GALC: variants seen among roughly 807,000 people sequenced by gnomAD.
GALC encodes the protein galactocerebrosidase.
Under a neutral mutation model 91.8 loss-of-function variants are expected in GALC, and 77 were observed. That is an observed-to-expected ratio of 0.84 (90% CI 0.70 to 1.01). The LOEUF is 1.01. GALC is among the 50% of genes least tolerant of loss of function. The pLI is 0.00. For synonymous variants in GALC, 357 were observed against 306.7 expected (o/e 1.16, Z -1.71); for missense variants, 882 against 855.9 (o/e 1.03, Z -0.38).
At position 87,965,582 on chromosome 14, in the gene GALC, T is replaced by C. The variant is rs183105855; in HGVS notation, c.956A>G (p.Tyr319Cys). Residue 319 changes from tyrosine (Y) to cysteine (C), a missense_variant, in exon 9 of 17, where the codon TAT (tyrosine) becomes TGT (cysteine). By Grantham distance (194) the Tyr-to-Cys change is radical. Transcript: ENST00000261304. ...GGCCGTCATCAACCCGCATCTCCCA[T>C]AAGGCAACTGTTCATAGTAACTAGC... ...LVASYYEQLPYGRCGLMTAQE... is the reference protein window; with the variant it reads ...LVASYYEQLPCGRCGLMTAQE... 1,275 of 1,613,458 alleles carry C rather than the reference T, an allele frequency of 7.9e-4. 14 individuals are homozygous for C. The South Asian group carries it at 9.9e-3, about 13-fold the overall frequency.
At chr14:87,959,304 CA>C (rs549647772) in intron 10 of GALC, among the ~76,000 whole-genome samples, 4 of 151,300 alleles carry the variant, frequency 2.6e-5, no homozygotes, top group Admixed American at 6.6e-5. Context: ...TGGCTATTAC[CA>C]AAAAAACAAA....
rs1885479093 is a variant in GALC at position 87,955,235 on chromosome 14, G to A, written c.1162-4487C>T. ...AGGAAGAAATGGCAGGCATTTCAAGGAAGAAGTACTGAAATGATTTGTCTT... is the reference window on the plus strand; with the variant it reads ...AGGAAGAAATGGCAGGCATTTCAAGAAAGAAGTACTGAAATGATTTGTCTT... On this transcript the variant is annotated intron_variant, in intron 10 of 16. Transcript: ENST00000261304. 9 of 931,134 alleles carry A rather than the reference G, an allele frequency of 9.7e-6. No homozygotes were observed. The South Asian group carries it at 1.0e-4, about 11-fold the overall frequency. The allele number at this position is 931,134 out of a possible 1,614,324, so 57.7% of individuals were successfully genotyped here.
intron 1 of GALC, among the ~76,000 whole-genome samples, chr14:87,991,301 C>T (rs1161039146): frequency 1.3e-5 from 2 of 152,206 alleles, no homozygotes; most frequent in African/African-American, 4.8e-5. Flanking sequence ...CTCCCGGGTT[C>T]AAGCGATTCT....
chr14:87,991,853 A>G (rs1192436216), intron 1 of GALC, among the ~76,000 whole-genome samples: 3 of 152,216 alleles, frequency 2.0e-5, no homozygotes. Context: ...CTCTTACCCT[A>G]GATATAGTAT....
At chr14:87,939,768 C>T (rs1266485471) in intron 16 of GALC, 137 bp downstream of exon 16, 18 of 730,992 alleles carry the variant, frequency 2.5e-5, no homozygotes, top group African/African-American at 1.7e-5. Flanking sequence ...GGATGAGTGG[C>T]TTCCCGGCAC....
chr14:87,934,025 T>C lies in GALC; in HGVS notation c.*707A>G, dbSNP rs1316928350. 9.1e-6 allele frequency: 14 copies of C among 1,534,182 alleles called. No homozygotes were observed. The highest frequency in any genetic ancestry group is 1.4e-5 in the African/African-American group (1 of 72,932). ...CTGGAAAAACGTTCACAGAGAGTTA[T>C]AGTGGTTACAAGACCAAAACTTGGA... On this transcript the variant is annotated 3_prime_UTR_variant, in exon 17 of 17. Coordinates refer to ENST00000261304, the MANE Select transcript of GALC (RefSeq NM_000153.4).
At chr14:87,975,282 G>A (rs116400032) in intron 7 of GALC, among the ~76,000 whole-genome samples, 1,741 of 151,918 alleles carry the variant, frequency 0.011, 29 homozygotes, top group African/African-American at 0.039. Flanking sequence ...CAAATTAAAA[G>A]AAAGAAAAAG....
chr14:87,934,021 G>A lies in GALC; in HGVS notation c.*711C>T, dbSNP rs1365725320. ...CCACCTGGAAAAACGTTCACAGAGAGTTATAGTGGTTACAAGACCAAAACT... is the reference window on the plus strand; with the variant it reads ...CCACCTGGAAAAACGTTCACAGAGAATTATAGTGGTTACAAGACCAAAACT... On this transcript the variant is annotated 3_prime_UTR_variant, in exon 17 of 17. Coordinates refer to ENST00000261304, the MANE Select transcript of GALC (RefSeq NM_000153.4). The A allele has an allele frequency of 1.6e-5, 25 of 1,534,052 alleles. No individual in the cohort carries two copies. Among genetic ancestry groups the A allele is most frequent in the Non-Finnish European group, 2.2e-5 (25 of 1,145,776 alleles).
At chr14:87,981,746 A>G (rs532361636) in intron 6 of GALC, among the ~76,000 whole-genome samples, 22 of 152,172 alleles carry the variant, frequency 1.4e-4, no homozygotes, top group Non-Finnish European at 2.9e-4. Flanking sequence ...CACAATTGGC[A>G]GATGTTACTG....
chr14:87,952,044 C>T (rs1387323681), intron 10 of GALC, among the ~76,000 whole-genome samples: 1 of 150,602 alleles, frequency 6.6e-6, no homozygotes, highest in African/African-American at 2.4e-5. Flanking sequence ...CACTTGTTCC[C>T]CAAAAAACTG....
Position 87,945,689 on chromosome 14 carries a change from C to T in GALC, c.1534G>A (p.Gly512Ser). ...ATATTTGTAAAATATTCAAATACAC[C>T]AGTTTGATCAGCAAAGTTTGGAGCT... ...SEAPNFADQTGVFEYFTNIED... is the reference protein window; with the variant it reads ...SEAPNFADQTSVFEYFTNIED... The change falls in exon 14 of 17, where the codon GGT (glycine) becomes AGT (serine). Residue 512 changes from glycine to serine, a missense_variant. Physicochemically the swap from Gly to Ser is moderately conservative, Grantham distance 56. Transcript: ENST00000261304. 6.2e-7 allele frequency: 1 copy of T among 1,611,990 alleles called. No homozygotes were observed. Among genetic ancestry groups the T allele is most frequent in the East Asian group, 2.2e-5 (1 of 44,818 alleles).
At chr14:87,963,739 A>T (rs909565105) in intron 9 of GALC, among the ~76,000 whole-genome samples, 10 of 152,138 alleles carry the variant, frequency 6.6e-5, no homozygotes, top group African/African-American at 2.4e-4. Context: ...AAAATAAATG[A>T]ACCTGTCAGT....
At chr14:87,943,443 G>A (rs1417462621) in intron 14 of GALC, among the ~76,000 whole-genome samples, 1 of 151,992 alleles carries the variant, frequency 6.6e-6, no homozygotes, top group East Asian at 1.9e-4. Flanking sequence ...CTCATTGAGA[G>A]CAGATTTACT....
intron 8 of GALC, among the ~76,000 whole-genome samples, chr14:87,966,859 C>A (rs924465371): frequency 2.0e-5 from 3 of 152,144 alleles, no homozygotes; most frequent in African/African-American, 7.2e-5. Flanking sequence ...TTAATTAAAA[C>A]AGAGACAACT....
chr14:87,943,711 G>A lies in GALC; in HGVS notation c.1670+1842C>T, dbSNP rs1884951044. 2.0e-5 allele frequency among the ~76,000 whole-genome samples: 3 copies of A among 151,976 alleles called. No homozygotes were observed. In the South Asian group the frequency reaches 6.2e-4, roughly 31 times the overall value. The stretch of plus-strand genomic sequence containing the variant: ...GGTTGTGTGGGAAATCCATCAAAGT[G>A]CCTACTATTACCCAATTTTTATTCC... On this transcript the variant is annotated intron_variant, in intron 14 of 16. Coordinates refer to ENST00000261304, the MANE Select transcript of GALC (RefSeq NM_000153.4).
At chr14:87,957,663 A>G (rs1006635894) in intron 10 of GALC, among the ~76,000 whole-genome samples, 2 of 152,174 alleles carry the variant, frequency 1.3e-5, no homozygotes, top group African/African-American at 4.8e-5. Flanking sequence ...TTCAAGTTAC[A>G]AAATCAATGT....
chr14:87,941,156 C>T (rs1421651862), intron 15 of GALC, among the ~76,000 whole-genome samples: 1 of 151,914 alleles, frequency 6.6e-6, no homozygotes, highest in Non-Finnish European at 1.5e-5. Flanking sequence ...TTCAACTCTA[C>T]AATACCCTTA....
At chr14:87,973,246 T>G (rs1488209229) in intron 7 of GALC, among the ~76,000 whole-genome samples, 2 of 152,186 alleles carry the variant, frequency 1.3e-5, no homozygotes, top group Non-Finnish European at 2.9e-5. Context: ...CCATTAGCAC[T>G]TTCTGAGACA....
At chr14:87,978,913 A>G (rs1173146173) in intron 6 of GALC, among the ~76,000 whole-genome samples, 2 of 152,276 alleles carry the variant, frequency 1.3e-5, no homozygotes, top group East Asian at 3.9e-4. Flanking sequence ...CTACTATTAA[A>G]AACAAATCCT....
Sources: allele counts gnomAD v4.1 joint callset (sites outside exome capture counted in the v4.1 genomes callset), GRCh38; gene constraint gnomAD v4.1.1; transcripts MANE v1.5; gene names NCBI Gene and HGNC (gene_info 2026-07-23, HGNC 2026-07-21).